The following VWA5B1 variants were observed in gnomAD, a reference collection of about 807,000 sequenced individuals.
VWA5B1 encodes von Willebrand factor A domain containing 5B1.
VWA5B1 carries 115 observed loss-of-function variants against 118.2 expected under a neutral mutation model. The ratio of observed to expected loss-of-function variants is 0.97; its 90% confidence interval spans 0.84 to 1.14. The LOEUF (loss-of-function observed/expected upper bound fraction) is 1.14, where lower values mean the gene tolerates loss of function less well. Ranked by LOEUF, VWA5B1 falls within the 50% of genes most tolerant of loss-of-function variation. VWA5B1 has a pLI of 0.00. For missense variants in VWA5B1, 1,596 were observed against 1,603.8 expected (o/e 1.00, Z 0.08); for synonymous variants, 682 against 658.4 (o/e 1.04, Z -0.55).
chr1:20,344,298 G>T (rs1039400738), intron 16 of VWA5B1, among the ~76,000 whole-genome samples: 6 of 151,976 alleles, frequency 3.9e-5, no homozygotes, highest in Admixed American at 3.9e-4. Flanking sequence ...ACAGAACAAT[G>T]GTGACAGCCC....
At chr1:20,320,557 C>A (rs987549788) in intron 7 of VWA5B1, among the ~76,000 whole-genome samples, 1 of 152,216 alleles carries the variant, frequency 6.6e-6, no homozygotes, top group Non-Finnish European at 1.5e-5. Context: ...CCCAGTGGGC[C>A]TCCCAGGCCT....
intron 1 of VWA5B1, among the ~76,000 whole-genome samples, chr1:20,294,919 C>A (rs2088376771): frequency 2.0e-5 from 3 of 152,208 alleles, no homozygotes; most frequent in African/African-American, 7.2e-5. Context: ...CTCTACTTTA[C>A]AGGTGATAAA....
At position 20,358,473 on chromosome 1, in the gene VWA5B1, CT is replaced by C. The variant is rs1366931742; in HGVS notation, c.*4211del. Reference sequence around the variant, plus strand: ...AAGGAGGAAAGGGGGTCTCCCCTATCTGTGTACAGTCTGCCCCCCCACCCTG... The same window carrying C: ...AAGGAGGAAAGGGGGTCTCCCCTATCGTGTACAGTCTGCCCCCCCACCCTG... On this transcript the variant is annotated 3_prime_UTR_variant, in exon 22 of 22. Coordinates refer to ENST00000289815, the MANE Select transcript of VWA5B1 (RefSeq NM_001039500.3). Among the ~76,000 whole-genome samples the C allele has an allele frequency of 6.6e-6, 1 of 152,166 alleles. No homozygotes were observed. The highest frequency in any genetic ancestry group is 1.5e-5 in the Non-Finnish European group (1 of 68,028).
At chr1:20,318,015 A>G (rs2089078940) in intron 5 of VWA5B1, among the ~76,000 whole-genome samples, 1 of 148,634 alleles carries the variant, frequency 6.7e-6, no homozygotes, top group Non-Finnish European at 1.5e-5. Flanking sequence ...ACCCAGAGAC[A>G]CCCAAACATC....
At chr1:20,291,328 G>A in intron 1 of VWA5B1, among the ~76,000 whole-genome samples, 1 of 135,624 alleles carries the variant, frequency 7.4e-6, no homozygotes, top group South Asian at 2.5e-4. Flanking sequence ...CTCAGGTCCA[G>A]CTCTCTCTCT....
At chr1:20,307,927 T>C (rs2088711233) in intron 1 of VWA5B1, among the ~76,000 whole-genome samples, 1 of 152,048 alleles carries the variant, frequency 6.6e-6, no homozygotes, top group Admixed American at 6.6e-5. Flanking sequence ...GTTTGTTACA[T>C]GGATATGTTG....
chr1:20,307,152 T>A (rs546526301), intron 1 of VWA5B1, among the ~76,000 whole-genome samples: 148 of 152,244 alleles, frequency 9.7e-4, no homozygotes, highest in African/African-American at 3.4e-3. Flanking sequence ...GTAAACATAG[T>A]GTTGACCCTC....
chr1:20,342,731 G>A (rs552205212), intron 15 of VWA5B1, 122 bp downstream of exon 15: 20 of 1,246,546 alleles, frequency 1.6e-5, no homozygotes, highest in South Asian at 3.3e-5. Flanking sequence ...GGTCTGCTGC[G>A]GCTCACCCCT....
intron 6 of VWA5B1, 74 bp from the exon 7 acceptor site, chr1:20,319,308 C>T (rs1194217084): frequency 9.8e-6 from 15 of 1,530,592 alleles, no homozygotes; most frequent in East Asian, 4.9e-5. Context: ...GAATCTTGCA[C>T]CTAAACCAAA....
rs530582281 is a variant in VWA5B1 at position 20,353,775 on chromosome 1, T to C, written c.3160T>C (p.Ser1054Pro). ...YIPLVSLQLA[S>P]GAFLLNEAFC... The stretch of plus-strand genomic sequence containing the variant: ...CACACAGGTGTCTCTGCAGCTGGCC[T>C]CCGGAGCCTTCCTGCTCAACGAAGC... Residue 1054 changes from serine to proline, a missense_variant, in exon 22 of 22, where the codon TCC becomes CCC. Transcript: ENST00000289815. 20 of 1,462,488 alleles carry C rather than the reference T, an allele frequency of 1.4e-5. No individual in the cohort carries two copies. In the Admixed American group the frequency reaches 5.4e-4, roughly 40 times the overall value. 90.6% of individuals were successfully genotyped at this position (1,462,488 alleles called of 1,614,324 possible).
chr1:20,335,422 AC>A (rs1439104256), intron 12 of VWA5B1, among the ~76,000 whole-genome samples: 1 of 152,232 alleles, frequency 6.6e-6, no homozygotes, highest in African/African-American at 2.4e-5. Context: ...TTTTTATGAA[AC>A]AAAAAATGAC....
chr1:20,349,377 T>TTATA (rs1182143487), intron 18 of VWA5B1: 2 of 153,182 alleles, frequency 1.3e-5, no homozygotes, highest in Non-Finnish European at 2.9e-5. Flanking sequence ...TTTATTTTAT[T>TTATA]TATTTATTTA....
At chr1:20,302,347 G>A (rs2088524800) in intron 1 of VWA5B1, among the ~76,000 whole-genome samples, 1 of 152,234 alleles carries the variant, frequency 6.6e-6, no homozygotes, top group African/African-American at 2.4e-5. Context: ...AGACGAACCT[G>A]TAGCCAAGTC....
chr1:20,323,315 T>G, intron 7 of VWA5B1, 41 bp from the exon 8 acceptor site: 1 of 1,410,162 alleles, frequency 7.1e-7, no homozygotes, highest in Non-Finnish European at 9.3e-7. Flanking sequence ...GAGTACCTCT[T>G]GACCCTGATT....
chr1:20,307,912 T>C (rs1570071652), intron 1 of VWA5B1, among the ~76,000 whole-genome samples: 1 of 152,014 alleles, frequency 6.6e-6, no homozygotes, highest in Non-Finnish European at 1.5e-5. Context: ...GGGGTACATA[T>C]ACAGGTTTGT....
intron 9 of VWA5B1, among the ~76,000 whole-genome samples, chr1:20,329,979 G>T (rs1397091324): frequency 6.6e-6 from 1 of 152,190 alleles, no homozygotes; most frequent in Non-Finnish European, 1.5e-5. Flanking sequence ...TCAGGCATTG[G>T]TAGGGGGTGC....
At chr1:20,319,314 C>T in intron 6 of VWA5B1, 68 bp from the exon 7 acceptor site, 1 of 1,535,032 alleles carries the variant, frequency 6.5e-7, no homozygotes. Flanking sequence ...TGCACCTAAA[C>T]CAAAGCCCCC....
Position 20,312,872 on chromosome 1 carries a change from T to G in VWA5B1, c.176T>G (p.Val59Gly). ...TACCCCCTGGATGAGTGCACCACGG[T>G]GATCGGCTTTGAGGCAGTCATTGCC... ...FVYPLDECTT[V>G]IGFEAVIADR... Residue 59 changes from valine (V) to glycine (G), a missense_variant, in exon 3 of 22, where the codon GTG (valine) becomes GGG (glycine). By Grantham distance (109) the Val-to-Gly change is moderately radical. Transcript: ENST00000289815. 1 of 1,551,662 alleles carries G rather than the reference T, an allele frequency of 6.4e-7. No homozygotes were observed. Among genetic ancestry groups the G allele is most frequent in the Non-Finnish European group, 8.7e-7 (1 of 1,146,962 alleles).
intron 1 of VWA5B1, among the ~76,000 whole-genome samples, chr1:20,292,498 G>A (rs1377123965): frequency 6.6e-6 from 1 of 152,256 alleles, no homozygotes; most frequent in Non-Finnish European, 1.5e-5. Flanking sequence ...TACCTGGAGG[G>A]TAGGGACGTG....
Sources: allele counts gnomAD v4.1 joint callset (sites outside exome capture counted in the v4.1 genomes callset), GRCh38; gene constraint gnomAD v4.1.1; transcripts MANE v1.5; gene names NCBI Gene and HGNC (gene_info 2026-07-23, HGNC 2026-07-21).